Variants in LRSAM1 observed in about 807,000 individuals in gnomAD.
LRSAM1 encodes the protein E3 ubiquitin-protein ligase LRSAM1.
A neutral mutation model predicts 118.1 loss-of-function variants in LRSAM1; 96 were observed. The ratio of observed to expected loss-of-function variants is 0.81; its 90% CI spans 0.69 to 0.96. The LOEUF (loss-of-function observed/expected upper bound fraction) is 0.96, where lower values mean the gene tolerates loss of function less well. Among genes scored for constraint, LRSAM1 ranks in the 40% least tolerant of loss-of-function variants. LRSAM1 has a pLI of 0.00. For missense variants in LRSAM1, 804 were observed against 915.5 expected, an observed-to-expected ratio of 0.88 and a Z score of 1.57; for synonymous variants, 322 against 364.2, an observed-to-expected ratio of 0.88 and a Z score of 1.32.
At chr9:127,497,208 G>C in intron 23 of LRSAM1, 45 bp from the exon 24 acceptor site, 1 of 1,603,124 alleles carries the variant, frequency 6.2e-7, no homozygotes, top group Middle Eastern at 1.7e-4. Context: ...CCATTTAGCG[G>C]GCTCCCGCCC....
At chr9:127,472,899 T>G (rs1263940418) in intron 10 of LRSAM1, among the ~76,000 whole-genome samples, 1 of 152,178 alleles carries the variant, frequency 6.6e-6, no homozygotes, top group Non-Finnish European at 1.5e-5. Context: ...GACACCTCTC[T>G]GTCACCGTGT....
rs563842364 is a variant in LRSAM1, at chr9:127,500,358, C to CAAAAAAAAAA, written c.1913-644_1913-635dup. Among the ~76,000 whole-genome samples the CAAAAAAAAAA allele has an allele frequency of 2.0e-3, 184 of 93,534 alleles. 22 individuals are homozygous for CAAAAAAAAAA. Among genetic ancestry groups the CAAAAAAAAAA allele is most frequent in the African/African-American group, 3.9e-3 (95 of 24,656 alleles). 61.4% of individuals were successfully genotyped at this position (93,534 alleles called of 152,430 possible). A position where few individuals can be genotyped will look rare whatever the true frequency, so the allele number is the denominator to read the frequency against. On this transcript the variant is annotated intron_variant, in intron 24 of 25. Transcript: ENST00000300417. Reference sequence around the variant, plus strand: ...CCTGGGTGACAGAGCGAGACTGTCTCAAAAAAAAAAAAAAAAAGAGACTTA... The same window carrying CAAAAAAAAAA: ...CCTGGGTGACAGAGCGAGACTGTCTCAAAAAAAAAAAAAAAAAAAAAAAAAAAGAGACTTA...
rs959019955 is a variant in LRSAM1, at chr9:127,501,337, C to T, written c.2046+194C>T. ...TATGAGCTGCGCTCACATCATTTTC[C>T]GGACCTTTTTCTTTTTGTTCCTACT... On this transcript the variant is annotated intron_variant, in intron 25 of 25. Transcript: ENST00000300417. Among the ~76,000 whole-genome samples, 4 of 152,070 alleles carry T rather than the reference C, an allele frequency of 2.6e-5. No individual in the cohort carries two copies. In the East Asian group the frequency reaches 5.8e-4, roughly 22 times the overall value.
intron 20 of LRSAM1, among the ~76,000 whole-genome samples, chr9:127,491,747 G>A (rs1653625932): frequency 3.9e-5 from 6 of 152,232 alleles, no homozygotes; most frequent in Admixed American, 2.6e-4. Context: ...CAGCATCTCT[G>A]GGGCTCCAGC....
At chr9:127,461,320 T>A in intron 8 of LRSAM1, 63 bp downstream of exon 8, 1 of 1,495,370 alleles carries the variant, frequency 6.7e-7, no homozygotes, top group Non-Finnish European at 9.3e-7. Flanking sequence ...CTGGCCGGGA[T>A]CCACAGGCTG....
intron 16 of LRSAM1, 123 bp from the exon 17 acceptor site, chr9:127,485,613 A>G: frequency 1.2e-6 from 1 of 845,474 alleles, no homozygotes; most frequent in Non-Finnish European, 2.1e-6. Context: ...ACTATCAGGT[A>G]GGTAACCAGG....
chr9:127,484,285 C>CTTTTTTTTTTTTTTTTTTTTTTT (rs1301004172), intron 16 of LRSAM1, among the ~76,000 whole-genome samples: 1 of 141,878 alleles, frequency 7.0e-6, no homozygotes. Flanking sequence ...TTTTTTCCTG[C>CTTTTTTTTTTTTTTTTTTTTTTT]TTCTTTATTT....
At chr9:127,492,719 C>A (rs1193981319) in intron 20 of LRSAM1, 83 bp from the exon 21 acceptor site, 13 of 1,297,050 alleles carry the variant, frequency 1.0e-5, no homozygotes, top group Non-Finnish European at 1.3e-5. Context: ...GAGCGGGAGG[C>A]CAGGCCCTTC....
At chr9:127,463,102 GAC>G (rs1156570028) in intron 9 of LRSAM1, among the ~76,000 whole-genome samples, 3 of 150,090 alleles carry the variant, frequency 2.0e-5, no homozygotes, top group African/African-American at 7.4e-5. Flanking sequence ...GGGAGGCTGA[GAC>G]AGGAGAATTG....
In LRSAM1 at chr9:127,492,838, C is replaced by T; in HGVS notation, c.1540C>T (p.Leu514=). Residue 514 remains leucine, a synonymous_variant, in exon 21 of 26, where the codon CTG becomes TTG. Transcript: ENST00000300417. The part of the protein sequence containing the change: ...ISEQRWALSS[L]LQQLLKEKQQ... Reference sequence around the variant, plus strand: ...GGAGCAGCGCTGGGCCCTCAGCTCCCTGCTCCAGCAGCTGCTCAAAGAGAA... The same window carrying T: ...GGAGCAGCGCTGGGCCCTCAGCTCCTTGCTCCAGCAGCTGCTCAAAGAGAA... The T allele has an allele frequency of 6.2e-7, 1 of 1,614,018 alleles. No homozygotes were observed. Among genetic ancestry groups the T allele is most frequent in the Non-Finnish European group, 8.5e-7 (1 of 1,180,042 alleles).
chr9:127,476,268 T>G (rs1835347709), intron 11 of LRSAM1, among the ~76,000 whole-genome samples: 1 of 152,104 alleles, frequency 6.6e-6, no homozygotes, highest in African/African-American at 2.4e-5. Flanking sequence ...GACACATGGA[T>G]TAGTGAAAAG....
At chr9:127,500,131 T>C (rs946053361) in intron 24 of LRSAM1, among the ~76,000 whole-genome samples, 1 of 134,296 alleles carries the variant, frequency 7.4e-6, no homozygotes, top group Non-Finnish European at 1.7e-5. Flanking sequence ...GAGGCTGAGG[T>C]GGGCAGATCA....
intron 2 of LRSAM1, among the ~76,000 whole-genome samples, chr9:127,454,196 C>T (rs551883007): frequency 1.3e-5 from 2 of 151,628 alleles, no homozygotes; most frequent in South Asian, 4.2e-4. Context: ...ACTAGAAAGA[C>T]GCTGTCCCTG....
chr9:127,455,710 G>A (rs779499213), intron 5 of LRSAM1, 90 bp downstream of exon 5: 98 of 1,199,002 alleles, frequency 8.2e-5, no homozygotes, highest in Admixed American at 2.0e-4. Context: ...TCTTCCCGGC[G>A]TAGACACCTC....
In LRSAM1 at chr9:127,501,125, C is replaced by G. The variant is rs566890772; in HGVS notation, c.2028C>G (p.Val676=). The G allele has an allele frequency of 7.1e-5, 115 of 1,613,492 alleles. 1 individual carries two copies. In the South Asian group the frequency reaches 1.2e-3, roughly 16 times the overall value. Reference sequence around the variant, plus strand: ...TGGAGGTGCAGGCCTCAGAGTGTGTCGTGTGCCTGGAACGGGAGGTAAGTC... The same window carrying G: ...TGGAGGTGCAGGCCTCAGAGTGTGTGGTGTGCCTGGAACGGGAGGTAAGTC... ...AELEVQASEC[V]VCLEREAQMI... The change falls in exon 25 of 26, where the codon GTC becomes GTG. Residue 676 remains valine (V), a synonymous_variant. Coordinates refer to ENST00000300417, the MANE Select transcript of LRSAM1 (RefSeq NM_001005373.4).
chr9:127,483,104 G>C (rs780631664), intron 16 of LRSAM1, 84 bp downstream of exon 16: 256 of 1,263,418 alleles, frequency 2.0e-4, no homozygotes, highest in South Asian at 4.6e-4. Context: ...TGTTGGCCAT[G>C]CATGGAGGGC....
At chr9:127,497,835 G>A (rs888846943) in intron 24 of LRSAM1, among the ~76,000 whole-genome samples, 9 of 152,188 alleles carry the variant, frequency 5.9e-5, no homozygotes, top group African/African-American at 2.2e-4. Flanking sequence ...GCATGATCTG[G>A]GAGCCCGGCA....
chr9:127,497,367 G>C (rs371256717), intron 24 of LRSAM1, 33 bp downstream of exon 24: 709 of 1,599,316 alleles, frequency 4.4e-4, no homozygotes, highest in Non-Finnish European at 5.7e-4. Flanking sequence ...TTCCAGGCAG[G>C]GCTCCAGCCG....
At position 127,479,444 on chromosome 9, in the gene LRSAM1, A is replaced by G; in HGVS notation, c.842A>G (p.His281Arg). The G allele has an allele frequency of 1.2e-6, 2 of 1,614,188 alleles. No individual in the cohort carries two copies. The highest frequency in any genetic ancestry group is 1.7e-6 in the Non-Finnish European group (2 of 1,180,038). Residue 281 changes from histidine to arginine, a missense_variant, in exon 13 of 26, where the codon CAC becomes CGC. His to Arg is a conservative substitution (Grantham distance 29, BLOSUM62 0). Transcript: ENST00000300417. ...ERRLELGQRE[H>R]TQLLQQSSSQ... ...CGCCTGGAACTGGGGCAGCGGGAGCACACCCAGCTCCTTCAGCAGAGCAGC... is the reference window on the plus strand; with the variant it reads ...CGCCTGGAACTGGGGCAGCGGGAGCGCACCCAGCTCCTTCAGCAGAGCAGC...
Sources: gnomAD v4.1 joint callset for allele counts (sites outside exome capture counted in the v4.1 genomes callset) on GRCh38, gnomAD v4.1.1 for gene constraint, MANE v1.5 for transcripts, NCBI Gene and HGNC (gene_info 2026-07-23, HGNC 2026-07-21) for gene names.